The following AKR1C1 variants were observed in gnomAD, a reference collection of about 807,000 sequenced individuals.
AKR1C1 encodes aldo-keto reductase family 1 member C1.
Under a neutral mutation model 40.6 loss-of-function variants are expected in AKR1C1, and 32 were observed. The observed-to-expected ratio is 0.79, with a 90% confidence interval of 0.60 to 1.06. AKR1C1 has a LOEUF of 1.06. AKR1C1 is among the 50% of genes least tolerant of loss of function. AKR1C1 has a pLI of 0.00. For missense variants in AKR1C1, 320 were observed against 363.5 expected, an observed-to-expected ratio of 0.88 and a Z score of 0.97; for synonymous variants, 105 against 134.2, an observed-to-expected ratio of 0.78 and a Z score of 1.50.
intron 1 of AKR1C1, chr10:4,965,647 A>C (rs1361750771): frequency 1.7e-5 from 6 of 359,808 alleles, no homozygotes; most frequent in African/African-American, 1.3e-4. Flanking sequence ...TTTTTCCAAA[A>C]AATGACTGAA....
chr10:4,965,649 A>G (rs1468097953), intron 1 of AKR1C1: 3 of 363,138 alleles, frequency 8.3e-6, no homozygotes, highest in Non-Finnish European at 1.5e-5. Context: ...TTTCCAAAAA[A>G]TGACTGAACC....
intron 7 of AKR1C1, among the ~76,000 whole-genome samples, chr10:4,973,654 T>C (rs1253852811): frequency 2.6e-5 from 4 of 152,136 alleles, no homozygotes; most frequent in Admixed American, 6.6e-5. Flanking sequence ...CACCTCTTGT[T>C]GGAAGGAGCT....
rs1836640702 is a variant in AKR1C1, at chr10:4,982,819, G to C, written c.*5077G>C. 1 of 368,154 alleles carries C rather than the reference G, an allele frequency of 2.7e-6. No individual in the cohort carries two copies. The highest frequency in any genetic ancestry group is 5.4e-6 in the Non-Finnish European group (1 of 184,008). 22.8% of individuals were successfully genotyped at this position (368,154 alleles called of 1,614,324 possible). A position where few individuals can be genotyped will look rare whatever the true frequency, so the allele number is the denominator to read the frequency against. The stretch of plus-strand genomic sequence containing the variant: ...ACAGCACCTCAAGGAAGAATAAATA[G>C]AACTGTTCCCAGGAAGGAGAAAATG... On this transcript the variant is annotated 3_prime_UTR_variant, in exon 9 of 9. Coordinates refer to ENST00000380872, the MANE Select transcript of AKR1C1 (RefSeq NM_001353.6).
chr10:4,964,161 G>T (rs1043962812), intron 1 of AKR1C1, among the ~76,000 whole-genome samples: 18 of 152,016 alleles, frequency 1.2e-4, no homozygotes, highest in Non-Finnish European at 2.5e-4. Flanking sequence ...AAAATTTCTT[G>T]TTTCTCTGAC....
At chr10:4,963,550 T>C in intron 1 of AKR1C1, 22 bp downstream of exon 1, 1 of 1,601,692 alleles carries the variant, frequency 6.2e-7, no homozygotes, top group Non-Finnish European at 8.5e-7. Flanking sequence ...ATTTTTAGTG[T>C]TGAGAGTTCA....
chr10:4,964,472 G>C (rs1441673144), intron 1 of AKR1C1, among the ~76,000 whole-genome samples: 1 of 152,174 alleles, frequency 6.6e-6, no homozygotes, highest in Non-Finnish European at 1.5e-5. Context: ...GCAAAGAAAT[G>C]ATCAAGGATG....
Position 4,979,101 on chromosome 10 carries a change from C to T in AKR1C1, c.*1359C>T, listed in dbSNP as rs1275998347. The T allele has an allele frequency of 6.6e-6, 1 of 152,194 alleles. No homozygotes were observed. Among genetic ancestry groups the T allele is most frequent in the Admixed American group, 6.5e-5 (1 of 15,274 alleles). The allele number at this position is 152,194 out of a possible 1,614,324, so 9.4% of individuals were successfully genotyped here. ...CCCCATCAGAGATTCCTTCTCAAGC[C>T]ATGTCTCAGAGCTGAGAGGCATCCC... On this transcript the variant is annotated 3_prime_UTR_variant, in exon 9 of 9. Coordinates refer to ENST00000380872, the MANE Select transcript of AKR1C1 (RefSeq NM_001353.6).
At position 4,972,291 on chromosome 10, in the gene AKR1C1, T is replaced by A. The variant is rs146462860; in HGVS notation, c.661T>A (p.Ser221Thr). ...IVLVAYSALG[S>T]HREEPWVDPN... ...TCTGGTTGCCTATAGTGCTCTGGGA[T>A]CCCACCGAGAAGAACCATGGTAATA... The change falls in exon 6 of 9, where the codon TCC (serine) becomes ACC (threonine). Residue 221 changes from serine (S) to threonine (T), a missense_variant. Ser to Thr is a moderately conservative substitution (Grantham distance 58). Around this residue, in one of 3 missense-constraint regions of AKR1C1, gnomAD observed 77 missense variants for 125.3 expected, o/e 0.61. Transcript: ENST00000380872. 1,447 of 1,610,068 alleles carry A rather than the reference T, an allele frequency of 9.0e-4. No homozygotes were observed. Among genetic ancestry groups the A allele is most frequent in the Middle Eastern group, 1.2e-3 (7 of 6,054 alleles).
Position 4,979,092 on chromosome 10 carries a change from T to C in AKR1C1, c.*1350T>C, listed in dbSNP as rs553118038. On this transcript the variant is annotated 3_prime_UTR_variant, in exon 9 of 9. Transcript: ENST00000380872. The stretch of plus-strand genomic sequence containing the variant: ...CCATGTTAACCCCATCAGAGATTCC[T>C]TCTCAAGCCATGTCTCAGAGCTGAG... The C allele has an allele frequency of 6.6e-6, 1 of 152,346 alleles. No individual in the cohort carries two copies. The highest frequency in any genetic ancestry group is 1.9e-4 in the East Asian group (1 of 5,188). The allele number at this position is 152,346 out of a possible 1,614,324, so 9.4% of individuals were successfully genotyped here. A position where few individuals can be genotyped will look rare whatever the true frequency, so the allele number is the denominator to read the frequency against.
chr10:4,983,108 G>A lies in AKR1C1; in HGVS notation c.*5366G>A, dbSNP rs1172785149. Reference sequence around the variant, plus strand: ...GCTGGAGGATGAAGAACTGCACGGAGGAGATGGAGGCACCCAGACAGATGC... The same window carrying A: ...GCTGGAGGATGAAGAACTGCACGGAAGAGATGGAGGCACCCAGACAGATGC... On this transcript the variant is annotated 3_prime_UTR_variant, in exon 9 of 9. Transcript: ENST00000380872. 1 of 311,928 alleles carries A rather than the reference G, an allele frequency of 3.2e-6. No homozygotes were observed. The highest frequency in any genetic ancestry group is 2.2e-5 in the African/African-American group (1 of 44,848). The allele number at this position is 311,928 out of a possible 1,614,324, so 19.3% of individuals were successfully genotyped here. A position where few individuals can be genotyped will look rare whatever the true frequency, so the allele number is the denominator to read the frequency against.
intron 5 of AKR1C1, among the ~76,000 whole-genome samples, chr10:4,970,866 C>T (rs537485191): frequency 6.6e-5 from 10 of 150,582 alleles, no homozygotes; most frequent in African/African-American, 2.4e-4. Context: ...TGCTAGATGA[C>T]GAGTTAGTAG....
At chr10:4,971,365 A>G (rs1461008073) in intron 5 of AKR1C1, among the ~76,000 whole-genome samples, 10 of 151,916 alleles carry the variant, frequency 6.6e-5, no homozygotes, top group Admixed American at 1.3e-4. Flanking sequence ...TACTGTAATG[A>G]CCACCATCAG....
chr10:4,965,610 C>A (rs141994354), intron 1 of AKR1C1: 4 of 249,108 alleles, frequency 1.6e-5, no homozygotes, highest in African/African-American at 4.5e-5. Context: ...AAGATTATAT[C>A]TATAACTATA....
chr10:4,972,571 C>T lies in AKR1C1; in HGVS notation c.681-13C>T, dbSNP rs73600972. On this transcript the variant is annotated splice_polypyrimidine_tract_variant and intron_variant, in intron 6 of 8. Coordinates refer to ENST00000380872, the MANE Select transcript of AKR1C1 (RefSeq NM_001353.6). ...CAGCCTCAGGGCCTCAGCCTTTCTG[C>T]CTTTCCTTCCAGGGTGGACCCGAAC... 5,609 of 1,613,298 alleles carry T rather than the reference C, an allele frequency of 3.5e-3. 126 individuals are homozygous for T. In the African/African-American group the frequency reaches 0.066, roughly 19 times the overall value.
rs561723806 is a variant in AKR1C1, at chr10:4,974,306, T to A, written c.847-1545T>A. On this transcript the variant is annotated intron_variant, in intron 7 of 8. Transcript: ENST00000380872. ...TTAGATTAACTAGAAACCATACATA[T>A]ATATGTATTTATTCTGGATATTAAT... is the stretch of plus-strand genomic sequence containing the variant. 5.3e-5 allele frequency among the ~76,000 whole-genome samples: 8 copies of A among 152,006 alleles called. No homozygotes were observed. The South Asian group carries it at 1.7e-3, about 32-fold the overall frequency.
intron 2 of AKR1C1, among the ~76,000 whole-genome samples, chr10:4,966,472 TGTGA>T (rs1836336086): frequency 6.6e-6 from 1 of 152,240 alleles, no homozygotes; most frequent in African/African-American, 2.4e-5. Context: ...AAGCAAGCTC[TGTGA>T]GTATTAAAGA....
At position 4,966,037 on chromosome 10, in the gene AKR1C1, G is replaced by A. The variant is rs747186332; in HGVS notation, c.208G>A (p.Ala70Thr). The A allele has an allele frequency of 7.4e-6, 12 of 1,614,098 alleles. No homozygotes were observed. In the Admixed American group the frequency reaches 8.3e-5, roughly 11 times the overall value. The change falls in exon 2 of 9, where the codon GCA becomes ACA. Residue 70 changes from alanine (A) to threonine (T), a missense_variant. Coordinates refer to ENST00000380872, the MANE Select transcript of AKR1C1 (RefSeq NM_001353.6). ...QVGLAIRSKI[A>T]DGSVKREDIF... ...TGGACTGGCCATCCGAAGCAAGATT[G>A]CAGATGGCAGTGTGAAGAGAGAAGA...
At chr10:4,970,480 G>A (rs538400660) in intron 5 of AKR1C1, among the ~76,000 whole-genome samples, 67 of 152,098 alleles carry the variant, frequency 4.4e-4, no homozygotes, top group Non-Finnish European at 8.4e-4. Flanking sequence ...ATCATGCTGT[G>A]TTTTTCAAAT....
intron 5 of AKR1C1, among the ~76,000 whole-genome samples, chr10:4,969,241 A>G (rs916941729): frequency 1.3e-5 from 2 of 152,190 alleles, no homozygotes; most frequent in Admixed American, 6.5e-5. Context: ...CCCCTAAGCT[A>G]TGAAAGATGA....
Sources: gnomAD v4.1 joint callset for allele counts (sites outside exome capture counted in the v4.1 genomes callset) on GRCh38, gnomAD v4.1.1 for gene constraint, gnomAD v4.1.1 regional missense constraint, MANE v1.5 for transcripts, NCBI Gene and HGNC (gene_info 2026-07-23, HGNC 2026-07-21) for gene names.